Variants in LEKR1 observed in about 807,000 individuals in gnomAD.
LEKR1 encodes leucine, glutamate and lysine rich 1, also known as protein LEKR1.
Under a neutral mutation model 72.4 loss-of-function variants are expected in LEKR1, and 59 were observed. The observed-to-expected ratio is 0.82, with a 90% CI of 0.66 to 1.01. The LOEUF (loss-of-function observed/expected upper bound fraction) is 1.01. Ranked by LOEUF, LEKR1 falls within the 50% of genes least tolerant of loss-of-function variation. The pLI is 0.00. For missense variants in LEKR1, 728 were observed against 759.2 expected (o/e 0.96, Z 0.48); for synonymous variants, 257 against 263.2 (o/e 0.98, Z 0.23).
At chr3:156,871,680 T>G (rs1486220745) in intron 3 of LEKR1, among the ~76,000 whole-genome samples, 1 of 152,160 alleles carries the variant, frequency 6.6e-6, no homozygotes, top group Admixed American at 6.5e-5. Context: ...CTCATTGTCG[T>G]TTTGATTTGC....
intron 3 of LEKR1, among the ~76,000 whole-genome samples, chr3:156,868,027 A>G (rs2874488): frequency 0.84 from 128,358 of 152,050 alleles, 54,347 homozygotes; most frequent in African/African-American, 0.91. Context: ...CAACAGTGTA[A>G]CTCTTGCTGA....
At chr3:156,954,921 C>T (rs1186294541) in intron 6 of LEKR1, among the ~76,000 whole-genome samples, 1 of 152,002 alleles carries the variant, frequency 6.6e-6, no homozygotes, top group Non-Finnish European at 1.5e-5. Context: ...ATGGGAATAG[C>T]ATTGAATCTA....
chr3:156,844,911 T>TTG (rs1553784103), intron 2 of LEKR1, among the ~76,000 whole-genome samples: 2 of 151,402 alleles, frequency 1.3e-5, no homozygotes, highest in Admixed American at 6.6e-5. Context: ...TACAGGTTTT[T>TTG]TTTTTTTTTT....
intron 6 of LEKR1, among the ~76,000 whole-genome samples, chr3:156,968,064 C>G (rs973667642): frequency 3.9e-5 from 6 of 152,066 alleles, no homozygotes; most frequent in African/African-American, 1.4e-4. Context: ...CCTTTACAGA[C>G]AAGCAAATGC....
At chr3:156,837,299 T>C (rs1713276350) in intron 2 of LEKR1, among the ~76,000 whole-genome samples, 1 of 152,172 alleles carries the variant, frequency 6.6e-6, no homozygotes, top group Admixed American at 6.5e-5. Flanking sequence ...AAGACAAGAC[T>C]CACCCAAAGG....
chr3:156,899,347 T>TAC (rs1277673498), intron 3 of LEKR1, among the ~76,000 whole-genome samples: 5 of 121,002 alleles, frequency 4.1e-5, no homozygotes, highest in African/African-American at 1.9e-4. Context: ...TATACACATA[T>TAC]ATACATGTAT....
At chr3:156,882,737 G>A (rs1001037899) in intron 3 of LEKR1, among the ~76,000 whole-genome samples, 2 of 152,182 alleles carry the variant, frequency 1.3e-5, no homozygotes, top group African/African-American at 4.8e-5. Flanking sequence ...GAATAGCAAA[G>A]ACTTGGAACC....
At chr3:156,946,753 T>C (rs1726719299) in intron 6 of LEKR1, among the ~76,000 whole-genome samples, 1 of 151,476 alleles carries the variant, frequency 6.6e-6, no homozygotes, top group Non-Finnish European at 1.5e-5. Context: ...GATTTGCATA[T>C]GTTGGACCAT....
At chr3:156,977,562 C>T (rs1485279175) in intron 6 of LEKR1, 1 of 342,534 alleles carries the variant, frequency 2.9e-6, no homozygotes, top group African/African-American at 2.2e-5. Flanking sequence ...TCAAAGGAAG[C>T]AGAGGATACA....
At chr3:156,906,113 G>A (rs922532426) in intron 3 of LEKR1, among the ~76,000 whole-genome samples, 3 of 152,118 alleles carry the variant, frequency 2.0e-5, no homozygotes, top group Admixed American at 6.6e-5. Context: ...TAAAATCCTC[G>A]ATGATGTGGC....
chr3:157,011,874 A>C (rs1732919059), intron 10 of LEKR1, among the ~76,000 whole-genome samples: 1 of 152,138 alleles, frequency 6.6e-6, no homozygotes, highest in South Asian at 2.1e-4. Context: ...TCCTATAAGA[A>C]GATAAAAGAA....
At chr3:156,995,984 C>T (rs777557414) in intron 9 of LEKR1, among the ~76,000 whole-genome samples, 9 of 152,114 alleles carry the variant, frequency 5.9e-5, no homozygotes, top group Non-Finnish European at 1.3e-4. Context: ...TGCCCAGAGC[C>T]TGCCACACAT....
intron 3 of LEKR1, among the ~76,000 whole-genome samples, chr3:156,889,547 A>G (rs543442241): frequency 1.3e-5 from 2 of 152,310 alleles, no homozygotes; most frequent in East Asian, 1.9e-4. Flanking sequence ...AAAACATTTT[A>G]TGCCCATGAA....
chr3:156,975,884 G>T (rs1482995798), intron 6 of LEKR1, among the ~76,000 whole-genome samples: 1 of 152,086 alleles, frequency 6.6e-6, no homozygotes, highest in Non-Finnish European at 1.5e-5. Flanking sequence ...GGCATTTAGG[G>T]CCTTGTTCCT....
At chr3:156,936,185 A>G (rs1169426377) in intron 5 of LEKR1, among the ~76,000 whole-genome samples, 2 of 152,154 alleles carry the variant, frequency 1.3e-5, no homozygotes, top group African/African-American at 4.8e-5. Context: ...CTGGAGAGTA[A>G]CATAGGATCC....
intron 6 of LEKR1, among the ~76,000 whole-genome samples, chr3:156,959,626 A>G (rs1294880125): frequency 1.3e-5 from 2 of 152,032 alleles, no homozygotes; most frequent in African/African-American, 4.8e-5. Context: ...CAATCCCTTC[A>G]TTCATTTCAC....
At position 157,024,846 on chromosome 3, in the gene LEKR1, G is replaced by A; in HGVS notation, c.1290G>A (p.Leu430=). ...TTCTCTTTAAGGAAGAAACAAAATT[G>A]CAACTTGATATTGAAAAAGAAAAAC... ...QALLFKEETK[L]QLDIEKEKHQ... The change falls in exon 11 of 13, where the codon TTG becomes TTA. Residue 430 remains leucine (L), a synonymous_variant. Coordinates refer to ENST00000356539, the MANE Select transcript of LEKR1 (RefSeq NM_001004316.3). The A allele has an allele frequency of 6.2e-7, 1 of 1,610,274 alleles. No individual in the cohort carries two copies. The highest frequency in any genetic ancestry group is 8.5e-7 in the Non-Finnish European group (1 of 1,177,280).
intron 3 of LEKR1, among the ~76,000 whole-genome samples, chr3:156,859,073 T>C (rs917005425): frequency 1.3e-5 from 2 of 152,194 alleles, no homozygotes; most frequent in Admixed American, 6.5e-5. Flanking sequence ...TTTGGAAATA[T>C]TCTGTAGTTA....
intron 6 of LEKR1, among the ~76,000 whole-genome samples, chr3:156,965,015 T>C (rs1175445827): frequency 5.9e-5 from 9 of 152,322 alleles, no homozygotes; most frequent in Middle Eastern, 3.4e-3. Context: ...GTATCCATTT[T>C]CTGGTTTTGA....
Sources: gnomAD v4.1 joint callset for allele counts (sites outside exome capture counted in the v4.1 genomes callset) on GRCh38, gnomAD v4.1.1 for gene constraint, MANE v1.5 for transcripts, NCBI Gene and HGNC (gene_info 2026-07-23, HGNC 2026-07-21) for gene names.